Variants in SLC2A13 observed in about 807,000 individuals in gnomAD.
The protein encoded by SLC2A13 is solute carrier family 2 member 13, also known as proton myo-inositol cotransporter.
In SLC2A13, 32 loss-of-function variants were observed where a neutral mutation model predicts 64.4. The ratio of observed to expected loss-of-function variants is 0.50; its 90% confidence interval spans 0.37 to 0.67. SLC2A13 has a LOEUF of 0.67. Ranked by LOEUF, SLC2A13 falls within the 30% of genes least tolerant of loss-of-function variation. SLC2A13 has a pLI of 0.00. For synonymous variants in SLC2A13, 338 were observed against 327.1 expected (o/e 1.03, Z -0.36); for missense variants, 743 against 829.2 (o/e 0.90, Z 1.28).
chr12:39,868,160 G>C (rs1943954722), intron 5 of SLC2A13, among the ~76,000 whole-genome samples: 1 of 152,234 alleles, frequency 6.6e-6, no homozygotes, highest in South Asian at 2.1e-4. Context: ...ATACAAGAAG[G>C]CTTTGGATGA....
intron 6 of SLC2A13, among the ~76,000 whole-genome samples, chr12:39,846,188 G>GTTTTTCT (rs1943306484): frequency 6.6e-6 from 1 of 152,082 alleles, no homozygotes; most frequent in African/African-American, 2.4e-5. Flanking sequence ...TTCTGCTCTA[G>GTTTTTCT]AAAAACCAAG....
At chr12:39,954,375 G>A (rs1946283795) in intron 3 of SLC2A13, among the ~76,000 whole-genome samples, 1 of 151,914 alleles carries the variant, frequency 6.6e-6, no homozygotes, top group Admixed American at 6.6e-5. Context: ...AGAATCTGGA[G>A]ATCTTCAGAA....
At chr12:40,067,660 A>AATACTAATTAGTATTACTTCTACAC (rs1381218030) in intron 1 of SLC2A13, among the ~76,000 whole-genome samples, 1 of 152,108 alleles carries the variant, frequency 6.6e-6, no homozygotes, top group African/African-American at 2.4e-5. Flanking sequence ...TCATTCTACT[A>AATACTAATTAGTATTACTTCTACAC]ATACTAATTA....
intron 1 of SLC2A13, among the ~76,000 whole-genome samples, chr12:40,073,857 C>T (rs1938060095): frequency 6.6e-6 from 1 of 152,036 alleles, no homozygotes; most frequent in Non-Finnish European, 1.5e-5. Flanking sequence ...CATGCCTTCA[C>T]ATAGCTATTC....
intron 4 of SLC2A13, among the ~76,000 whole-genome samples, chr12:39,901,439 T>G (rs1399730697): frequency 5.0e-5 from 7 of 140,412 alleles, no homozygotes; most frequent in South Asian, 2.4e-4. Flanking sequence ...CGCAACCTAC[T>G]CATCTGACAA....
rs781158900 is a variant in SLC2A13, at chr12:40,073,023, C to T, written c.557-24813G>A. Among the ~76,000 whole-genome samples the T allele has an allele frequency of 1.1e-4, 16 of 152,128 alleles. No homozygotes were observed. In the East Asian group the frequency reaches 2.7e-3, roughly 26 times the overall value. On this transcript the variant is annotated intron_variant, in intron 1 of 9. Transcript: ENST00000280871. Reference sequence around the variant, plus strand: ...CTCACCACATTGGTTATACTGCTTTCATTACTTTTTCTTTGTGCTGGCCCT... The same window carrying T: ...CTCACCACATTGGTTATACTGCTTTTATTACTTTTTCTTTGTGCTGGCCCT...
intron 3 of SLC2A13, among the ~76,000 whole-genome samples, chr12:39,983,763 C>A (rs184578695): frequency 0.32 from 30,820 of 96,928 alleles, 4,964 homozygotes; most frequent in Non-Finnish European, 0.38. Context: ...TTGTGGAAGT[C>A]AGTGTGGCGA....
At chr12:40,025,933 C>A (rs1947796734) in intron 3 of SLC2A13, among the ~76,000 whole-genome samples, 1 of 148,028 alleles carries the variant, frequency 6.8e-6, no homozygotes, top group African/African-American at 2.7e-5. Flanking sequence ...AGTTTGTTAA[C>A]TCTCTATTTT....
intron 1 of SLC2A13, among the ~76,000 whole-genome samples, chr12:40,094,837 A>G (rs1018250509): frequency 2.0e-5 from 3 of 152,258 alleles, no homozygotes; most frequent in African/African-American, 7.2e-5. Flanking sequence ...AAGAAATTTT[A>G]TGAGACAAAA....
intron 6 of SLC2A13, among the ~76,000 whole-genome samples, chr12:39,838,738 G>T (rs1166942510): frequency 6.6e-6 from 1 of 152,006 alleles, no homozygotes; most frequent in East Asian, 1.9e-4. Flanking sequence ...GGCCAAATGT[G>T]CTCTCAGCTC....
At chr12:39,952,698 T>C (rs900910361) in intron 3 of SLC2A13, among the ~76,000 whole-genome samples, 1 of 152,154 alleles carries the variant, frequency 6.6e-6, no homozygotes, top group East Asian at 1.9e-4. Context: ...CTAAATGTAG[T>C]GACGATCCAT....
intron 6 of SLC2A13, among the ~76,000 whole-genome samples, chr12:39,859,539 T>A (rs1045332186): frequency 2.6e-5 from 4 of 152,080 alleles, no homozygotes; most frequent in African/African-American, 9.7e-5. Flanking sequence ...GTTTGCTTTT[T>A]AAGACAGAGT....
intron 3 of SLC2A13, among the ~76,000 whole-genome samples, chr12:39,960,808 C>T (rs1440029257): frequency 2.3e-5 from 3 of 129,420 alleles, no homozygotes; most frequent in Admixed American, 9.5e-5. Context: ...AGTGCAGTGG[C>T]GTGATTTTGG....
chr12:40,013,013 T>A (rs1947555673), intron 3 of SLC2A13, among the ~76,000 whole-genome samples: 1 of 152,274 alleles, frequency 6.6e-6, no homozygotes, highest in Admixed American at 6.5e-5. Context: ...CTAAAGACAT[T>A]TATATGATCT....
intron 5 of SLC2A13, among the ~76,000 whole-genome samples, chr12:39,868,479 A>G (rs1051880411): frequency 2.6e-5 from 4 of 152,226 alleles, no homozygotes; most frequent in Middle Eastern, 3.2e-3. Flanking sequence ...CACCTAGGGA[A>G]TGTGTCTAAA....
rs143957356 is a variant in SLC2A13, at chr12:39,944,494, T to TA, written c.1034+6762dup. ...TGCTGTCTATCTCATTTCTTAGGTC[T>TA]ATTAGTAATTGTTTTATAAATTCGG... On this transcript the variant is annotated intron_variant, in intron 4 of 9. Coordinates refer to ENST00000280871, the MANE Select transcript of SLC2A13 (RefSeq NM_052885.4). Among the ~76,000 whole-genome samples the TA allele has an allele frequency of 8.4e-3, 1,273 of 152,376 alleles. 17 individuals carry two copies. The highest frequency in any genetic ancestry group is 0.029 in the African/African-American group (1,206 of 41,582).
intron 4 of SLC2A13, among the ~76,000 whole-genome samples, chr12:39,937,383 C>A (rs1945934983): frequency 6.6e-6 from 1 of 152,120 alleles, no homozygotes; most frequent in African/African-American, 2.4e-5. Flanking sequence ...GACCTGGGCA[C>A]TTCTACAATG....
intron 1 of SLC2A13, among the ~76,000 whole-genome samples, chr12:40,053,807 A>C (rs781707939): frequency 6.6e-6 from 1 of 152,202 alleles, no homozygotes; most frequent in Non-Finnish European, 1.5e-5. Context: ...CATGTTAGGC[A>C]CAGGGCCTGT....
intron 1 of SLC2A13, among the ~76,000 whole-genome samples, chr12:40,071,975 CCT>C (rs1198580869): frequency 6.6e-6 from 1 of 152,004 alleles, no homozygotes; most frequent in Non-Finnish European, 1.5e-5. Context: ...GATTTAATTC[CCT>C]CTTTTCCTGT....
Sources: gnomAD v4.1 joint callset for allele counts (sites outside exome capture counted in the v4.1 genomes callset) on GRCh38, gnomAD v4.1.1 for gene constraint, MANE v1.5 for transcripts, NCBI Gene and HGNC (gene_info 2026-07-23, HGNC 2026-07-21) for gene names.